Variants in UBN2 observed in about 807,000 individuals in gnomAD.
The protein encoded by UBN2 is ubinuclein-2.
Under a neutral mutation model 120.2 loss-of-function variants are expected in UBN2, and 35 were observed. The observed-to-expected ratio is 0.29, with a 90% CI of 0.22 to 0.39. The LOEUF (loss-of-function observed/expected upper bound fraction) is 0.39, where lower values mean the gene tolerates loss of function less well. Among genes scored for constraint, UBN2 ranks in the 10% least tolerant of loss-of-function variants. UBN2 has a pLI of 1.00. For synonymous variants in UBN2, 661 were observed against 648.7 expected (o/e 1.02, Z -0.29); for missense variants, 1,693 against 1,663.2 (o/e 1.02, Z -0.31).
chr7:139,329,475 T>C, the UBN2 span, among the ~76,000 whole-genome samples: 1 of 152,304 alleles, frequency 6.6e-6, no homozygotes, highest in African/African-American at 2.4e-5. Context: ...CTGGTGTTTT[T>C]GAAAGTCTCC....
At chr7:139,262,224 C>T (rs1275350676) in intron 6 of UBN2, among the ~76,000 whole-genome samples, 1 of 152,056 alleles carries the variant, frequency 6.6e-6, no homozygotes, top group Non-Finnish European at 1.5e-5. Flanking sequence ...CTCAGCCTCC[C>T]AAATATCTGG....
At chr7:139,265,114 CT>C (rs1408496763) in intron 6 of UBN2, among the ~76,000 whole-genome samples, 4 of 152,072 alleles carry the variant, frequency 2.6e-5, no homozygotes, top group Admixed American at 2.0e-4. Flanking sequence ...TTCTAAATAT[CT>C]TTGTATTTGA....
chr7:139,244,843 C>A (rs1796421801), intron 2 of UBN2, among the ~76,000 whole-genome samples: 1 of 152,040 alleles, frequency 6.6e-6, no homozygotes, highest in African/African-American at 2.4e-5. Flanking sequence ...ATTGATAGCA[C>A]CTTTTCGTGA....
intron 2 of UBN2, among the ~76,000 whole-genome samples, chr7:139,244,684 A>G (rs1452320013): frequency 6.6e-6 from 1 of 152,028 alleles, no homozygotes; most frequent in Non-Finnish European, 1.5e-5. Context: ...CATTTTATAC[A>G]TATCTATAGA....
downstream of UBN2, among the ~76,000 whole-genome samples, chr7:139,312,822 GTA>G (rs1798465757): frequency 6.6e-6 from 1 of 152,030 alleles, no homozygotes; most frequent in Admixed American, 6.6e-5. Flanking sequence ...ATCCACCTTT[GTA>G]TACTGTGTAA....
the UBN2 span, among the ~76,000 whole-genome samples, chr7:139,314,280 C>G: frequency 6.6e-6 from 1 of 151,034 alleles, no homozygotes; most frequent in Non-Finnish European, 1.5e-5. Flanking sequence ...TATGGTGAAA[C>G]CCCATCTCTA....
rs1034802250 is a variant in UBN2, at chr7:139,231,262, A to C, written c.-223A>C. Among the ~76,000 whole-genome samples, 3 of 152,252 alleles carry C rather than the reference A, an allele frequency of 2.0e-5. No individual in the cohort carries two copies. Among genetic ancestry groups the C allele is most frequent in the Admixed American group, 6.5e-5 (1 of 15,292 alleles). ...CTGCTTCTATTTATGTGGGGGATCC[A>C]ACATGGCGGCCGCGGCGACCCTGGC... On this transcript the variant is annotated 5_prime_UTR_variant, in exon 1 of 18. Transcript: ENST00000473989.
At chr7:139,316,939 T>C in the UBN2 span, among the ~76,000 whole-genome samples, 1 of 151,064 alleles carries the variant, frequency 6.6e-6, no homozygotes, top group African/African-American at 2.4e-5. Context: ...CTAAATTTCT[T>C]TTTTTTTTCT....
intron 17 of UBN2, among the ~76,000 whole-genome samples, chr7:139,295,714 G>A (rs774061197): frequency 1.3e-5 from 2 of 152,232 alleles, no homozygotes; most frequent in Non-Finnish European, 2.9e-5. Context: ...GAGTCCAGGA[G>A]TTCGAGACCA....
At position 139,243,365 on chromosome 7, in the gene UBN2, A is replaced by G. The variant is rs185502588; in HGVS notation, c.561+6268A>G. Among the ~76,000 whole-genome samples the G allele has an allele frequency of 1.6e-3, 245 of 152,300 alleles. 2 individuals carry two copies. Among genetic ancestry groups the G allele is most frequent in the Non-Finnish European group, 2.5e-3 (173 of 68,022 alleles). ...GATCTACTTAATTTATAAACTGTGT[A>G]ATATCAACTGCAGAGGTTCAGAGAA... On this transcript the variant is annotated intron_variant, in intron 2 of 17. Transcript: ENST00000473989.
At chr7:139,293,695 G>C (rs1798029559) in intron 16 of UBN2, 194 bp from the exon 17 acceptor site, 4 of 642,018 alleles carry the variant, frequency 6.2e-6, no homozygotes, top group Non-Finnish European at 1.1e-5. Context: ...AAATTTTTAA[G>C]AGGAAGTCAG....
At chr7:139,328,792 A>T in the UBN2 span, among the ~76,000 whole-genome samples, 1 of 150,368 alleles carries the variant, frequency 6.7e-6, no homozygotes, top group African/African-American at 2.5e-5. Context: ...TGAGCTGGGG[A>T]GGTTGAGGCT....
intron 3 of UBN2, among the ~76,000 whole-genome samples, chr7:139,254,241 C>T (rs1018849777): frequency 2.0e-5 from 3 of 151,924 alleles, no homozygotes; most frequent in Non-Finnish European, 4.4e-5. Context: ...TGCAGTGAGC[C>T]GAGATCGCGC....
intron 4 of UBN2, among the ~76,000 whole-genome samples, chr7:139,258,893 G>A (rs1796845323): frequency 6.6e-6 from 1 of 152,012 alleles, no homozygotes; most frequent in Non-Finnish European, 1.5e-5. Context: ...ATATTTCTCG[G>A]ATAGGTTAAT....
intron 15 of UBN2, among the ~76,000 whole-genome samples, chr7:139,290,543 T>A (rs1797923219): frequency 6.6e-6 from 1 of 152,184 alleles, no homozygotes; most frequent in Admixed American, 6.5e-5. Flanking sequence ...AGAATGGAAT[T>A]CCCTGATGAA....
At chr7:139,268,664 C>T (rs1444250635) in intron 7 of UBN2, among the ~76,000 whole-genome samples, 1 of 152,062 alleles carries the variant, frequency 6.6e-6, no homozygotes. Context: ...CTCTGTTGCC[C>T]AGCCTGGAGC....
chr7:139,231,813 G>C lies in UBN2; in HGVS notation c.329G>C (p.Arg110Pro), dbSNP rs767618748. 7.6e-6 allele frequency: 11 copies of C among 1,452,156 alleles called. No homozygotes were observed. The highest frequency in any genetic ancestry group is 9.1e-6 in the Non-Finnish European group (10 of 1,103,388). 90.0% of individuals were successfully genotyped at this position (1,452,156 alleles called of 1,614,324 possible). ...PPLPLQPPPP[R>P]ESASRAEQPP... Reference sequence around the variant, plus strand: ...CTGCCCTTGCAGCCGCCCCCGCCGCGGGAGTCGGCTTCCCGGGCTGAGCAG... The same window carrying C: ...CTGCCCTTGCAGCCGCCCCCGCCGCCGGAGTCGGCTTCCCGGGCTGAGCAG... Residue 110 changes from arginine (R) to proline (P), a missense_variant, in exon 1 of 18, where the codon CGG (arginine) becomes CCG (proline). Coordinates refer to ENST00000473989, the MANE Select transcript of UBN2 (RefSeq NM_173569.4).
rs1349033996 is a variant in UBN2, at chr7:139,306,507, A to G, written c.*8671A>G. ...GGTCACCTATTTTTGAGTCTTGGCT[A>G]TGCCTTTGTAATTAGTTACATATAC... is the stretch of plus-strand genomic sequence containing the variant. On this transcript the variant is annotated 3_prime_UTR_variant, in exon 18 of 18. Transcript: ENST00000473989. The G allele has an allele frequency of 6.6e-6, 1 of 152,188 alleles. No individual in the cohort carries two copies. The highest frequency in any genetic ancestry group is 2.4e-5 in the African/African-American group (1 of 41,446). 9.4% of individuals were successfully genotyped at this position (152,188 alleles called of 1,614,324 possible). A position where few individuals can be genotyped will look rare whatever the true frequency, so the allele number is the denominator to read the frequency against.
chr7:139,284,999 A>G (rs1797742549), intron 15 of UBN2, among the ~76,000 whole-genome samples: 2 of 152,058 alleles, frequency 1.3e-5, no homozygotes, highest in South Asian at 2.1e-4. Context: ...TTCTCCTGCC[A>G]ATTTTCTTAT....
Sources: gnomAD v4.1 joint callset for allele counts (sites outside exome capture counted in the v4.1 genomes callset) on GRCh38, gnomAD v4.1.1 for gene constraint, MANE v1.5 for transcripts, NCBI Gene and HGNC (gene_info 2026-07-23, HGNC 2026-07-21) for gene names.